Variants in PRDM16 observed in about 807,000 individuals in gnomAD.
PRDM16 encodes histone-lysine N-methyltransferase PRDM16.
Under a neutral mutation model 110.6 loss-of-function variants are expected in PRDM16, and 23 were observed. That is an observed-to-expected ratio of 0.21 (90% CI 0.15 to 0.29). The LOEUF is 0.29. Ranked by LOEUF, PRDM16 falls within the 10% of genes least tolerant of loss-of-function variation. The probability of loss-of-function intolerance (pLI) is 1.00; values close to 1 mark genes in which losing one functional copy is unlikely to be tolerated. For missense variants in PRDM16, 1,615 were observed against 1,794.3 expected (o/e 0.90, Z 1.81); for synonymous variants, 799 against 781.8 (o/e 1.02, Z -0.37).
At chr1:3,396,420 G>A (rs1056170607) in intron 4 of PRDM16, 71 bp from the exon 5 acceptor site, 57 of 836,716 alleles carry the variant, frequency 6.8e-5, no homozygotes, top group Non-Finnish European at 1.1e-4. Context: ...TGAGGGCTGA[G>A]TGTGCACTGA....
chr1:3,192,181 A>G (rs367969005), intron 2 of PRDM16, among the ~76,000 whole-genome samples: 1 of 152,036 alleles, frequency 6.6e-6, no homozygotes, highest in Admixed American at 6.5e-5. Flanking sequence ...CCACAGCTTA[A>G]TTTTTGCCTA....
chr1:3,194,555 C>T (rs67620903), intron 2 of PRDM16, among the ~76,000 whole-genome samples: 2 of 151,112 alleles, frequency 1.3e-5, no homozygotes, highest in African/African-American at 2.4e-5. Flanking sequence ...CTGGACTCTG[C>T]GGCAACTGGC....
intron 14 of PRDM16, among the ~76,000 whole-genome samples, chr1:3,427,936 A>G (rs542961422): frequency 4.7e-4 from 71 of 152,304 alleles, no homozygotes; most frequent in African/African-American, 1.6e-3. Flanking sequence ...TGTTCCCTGC[A>G]GCTGCGTGTC....
Position 3,208,674 on chromosome 1 carries a change from AAAAAGAAAAGAAAAG to A in PRDM16, c.387+22214_387+22228del, listed in dbSNP as rs545904621. 6.6e-6 allele frequency: 1 copy of A among 151,232 alleles called. No homozygotes were observed. The highest frequency in any genetic ancestry group is 1.5e-5 in the Non-Finnish European group (1 of 68,008). The allele number at this position is 151,232 out of a possible 1,614,324, so 9.4% of individuals were successfully genotyped here. A position where few individuals can be genotyped will look rare whatever the true frequency, so the allele number is the denominator to read the frequency against. On this transcript the variant is annotated intron_variant, in intron 2 of 16. Coordinates refer to ENST00000270722, the MANE Select transcript of PRDM16 (RefSeq NM_022114.4). This position sits in a 1 kb window ranked among gnomAD's most constrained non-coding sequence, Gnocchi z 6.1. ...AGCAAGACTCCGTCTCAAAAAAAAAAAAAAGAAAAGAAAAGAAAAGAAAAGAAAGTGTCTCCAGAT... is the reference window on the plus strand; with the variant it reads ...AGCAAGACTCCGTCTCAAAAAAAAAAAAAAGAAAAGAAAGTGTCTCCAGAT...
chr1:3,128,685 G>A (rs1643262636), intron 1 of PRDM16, among the ~76,000 whole-genome samples: 1 of 62,754 alleles, frequency 1.6e-5, no homozygotes, highest in Non-Finnish European at 3.1e-5. Flanking sequence ...CATGCTACTG[G>A]AGACCATCCC....
chr1:3,252,853 A>G (rs72848048), intron 3 of PRDM16, among the ~76,000 whole-genome samples: 3,097 of 152,164 alleles, frequency 0.02, 105 homozygotes, highest in African/African-American at 0.07. Flanking sequence ...GCCTTGAGAC[A>G]GTGTGTGTTC....
At chr1:3,330,228 A>C (rs561465163) in intron 3 of PRDM16, among the ~76,000 whole-genome samples, 273 of 152,370 alleles carry the variant, frequency 1.8e-3, no homozygotes, top group Admixed American at 4.1e-3. Flanking sequence ...GGTGGGCCTC[A>C]GACCCAAACA....
At chr1:3,344,968 A>G (rs933662301) in intron 3 of PRDM16, among the ~76,000 whole-genome samples, 1 of 152,110 alleles carries the variant, frequency 6.6e-6, no homozygotes. Context: ...TGAGCAATTC[A>G]GGGGTTTGAG....
At chr1:3,127,383 TGCCCTCGTGAGATAG>T (rs1643231468) in intron 1 of PRDM16, among the ~76,000 whole-genome samples, 2 of 152,206 alleles carry the variant, frequency 1.3e-5, no homozygotes, top group South Asian at 4.1e-4. Context: ...ACCCAGACGA[TGCCCTCGTGAGATAG>T]ATCCCCCACC....
chr1:3,352,928 TC>T (rs1216485203), intron 3 of PRDM16, among the ~76,000 whole-genome samples: 1 of 151,858 alleles, frequency 6.6e-6, no homozygotes, highest in East Asian at 1.9e-4. Flanking sequence ...GAGGGGGCCG[TC>T]CTCTGCACAG....
In PRDM16 at chr1:3,143,453, A is replaced by G. The variant is rs1191153315; in HGVS notation, c.38-42672A>G. Among the ~76,000 whole-genome samples the G allele has an allele frequency of 1.3e-5, 2 of 152,064 alleles. No homozygotes were observed. Among genetic ancestry groups the G allele is most frequent in the East Asian group, 1.9e-4 (1 of 5,178 alleles). ...TTCTTTCTTCTCAGCAAAGCAAATG[A>G]CATTTGAAACTTTATTATTAGTATT... On this transcript the variant is annotated intron_variant, in intron 1 of 16. Coordinates refer to ENST00000270722, the MANE Select transcript of PRDM16 (RefSeq NM_022114.4). The surrounding 1 kb of genome is among the most constrained non-coding windows in gnomAD (Gnocchi z 4.5).
At chr1:3,090,606 C>T (rs1183535877) in intron 1 of PRDM16, among the ~76,000 whole-genome samples, 1 of 152,218 alleles carries the variant, frequency 6.6e-6, no homozygotes, top group Non-Finnish European at 1.5e-5. Context: ...TGCCCACGCC[C>T]GAGGGCTTCT....
At chr1:3,372,430 A>G (rs150792327) in intron 3 of PRDM16, among the ~76,000 whole-genome samples, 25 of 152,322 alleles carry the variant, frequency 1.6e-4, no homozygotes, top group African/African-American at 5.8e-4. Flanking sequence ...TCACCATCTA[A>G]GTGGCCAGAG....
At chr1:3,409,705 A>G (rs1041614713) in intron 8 of PRDM16, among the ~76,000 whole-genome samples, 21 of 136,264 alleles carry the variant, frequency 1.5e-4, no homozygotes, top group African/African-American at 5.3e-4. Context: ...GTGTATGTGC[A>G]TGTGTGTGGT....
chr1:3,286,852 T>C, intron 3 of PRDM16, among the ~76,000 whole-genome samples: 1 of 152,108 alleles, frequency 6.6e-6, no homozygotes, highest in African/African-American at 2.4e-5. Flanking sequence ...GACTCAAAGC[T>C]GGGTCTGCCC....
At chr1:3,301,189 G>A (rs891369526) in intron 3 of PRDM16, among the ~76,000 whole-genome samples, 5 of 152,098 alleles carry the variant, frequency 3.3e-5, no homozygotes, top group African/African-American at 1.2e-4. Context: ...AAATTAGCTG[G>A]ATGTGATGGC....
chr1:3,385,083 G>T, intron 3 of PRDM16, 69 bp from the exon 4 acceptor site: 2 of 1,585,968 alleles, frequency 1.3e-6, no homozygotes, highest in Non-Finnish European at 1.7e-6. Context: ...TTTCTGGGTG[G>T]GCAGAGGCTG....
At chr1:3,158,264 G>A (rs920964132) in intron 1 of PRDM16, among the ~76,000 whole-genome samples, 1 of 152,230 alleles carries the variant, frequency 6.6e-6, no homozygotes, top group Non-Finnish European at 1.5e-5. Flanking sequence ...CTGCGAAGGG[G>A]AAAAGGGCCT....
chr1:3,132,206 C>T (rs529791054), intron 1 of PRDM16, among the ~76,000 whole-genome samples: 33 of 152,280 alleles, frequency 2.2e-4, no homozygotes, highest in African/African-American at 7.2e-4. Context: ...AAGGGTTACA[C>T]GGCGGTGCCA....
Sources: allele counts gnomAD v4.1 joint callset (sites outside exome capture counted in the v4.1 genomes callset), GRCh38; gene constraint gnomAD v4.1.1; non-coding constraint Gnocchi (gnomAD v3.1); transcripts MANE v1.5; gene names NCBI Gene and HGNC (gene_info 2026-07-23, HGNC 2026-07-21).